PCDH9: variants seen among roughly 807,000 people sequenced by gnomAD.
The protein encoded by PCDH9 is protocadherin-9.
A neutral mutation model predicts 70.6 loss-of-function variants in PCDH9; 24 were observed. The ratio of observed to expected loss-of-function variants is 0.34; its 90% CI spans 0.25 to 0.48. The LOEUF is 0.48. PCDH9 is among the 20% of genes least tolerant of loss of function. The pLI is 0.99. For synonymous variants in PCDH9, 562 were observed against 558.5 expected (o/e 1.01, Z -0.09); for missense variants, 1,281 against 1,503.6 (o/e 0.85, Z 2.45).
intron 2 of PCDH9, among the ~76,000 whole-genome samples, chr13:67,013,581 T>C (rs2084496565): frequency 6.6e-6 from 1 of 151,940 alleles, no homozygotes; most frequent in African/African-American, 2.4e-5. Flanking sequence ...CAATGCTTTA[T>C]TTAAATATAT....
chr13:67,152,320 C>A (rs55916560), intron 2 of PCDH9, among the ~76,000 whole-genome samples: 1 of 152,172 alleles, frequency 6.6e-6, no homozygotes, highest in African/African-American at 2.4e-5. Flanking sequence ...TTCCAGAAAT[C>A]CACTTGTGCC....
At chr13:66,822,435 T>C (rs1194354562) in intron 3 of PCDH9, among the ~76,000 whole-genome samples, 2 of 151,970 alleles carry the variant, frequency 1.3e-5, no homozygotes, top group Admixed American at 1.3e-4. Context: ...GATGTTTCCA[T>C]GATGTAGTGC....
At chr13:66,798,822 T>A (rs2080284460) in intron 3 of PCDH9, among the ~76,000 whole-genome samples, 1 of 152,146 alleles carries the variant, frequency 6.6e-6, no homozygotes. Flanking sequence ...TCCTCGTTTT[T>A]TTTTTCTTTT....
chr13:66,798,116 G>T (rs1566201111), intron 3 of PCDH9, among the ~76,000 whole-genome samples: 2 of 151,920 alleles, frequency 1.3e-5, no homozygotes, highest in Admixed American at 1.3e-4. Flanking sequence ...GTTCAACAAA[G>T]TCAGTCATTT....
At chr13:66,615,406 T>C (rs1485525070) in intron 4 of PCDH9, among the ~76,000 whole-genome samples, 1 of 152,250 alleles carries the variant, frequency 6.6e-6, no homozygotes. Flanking sequence ...CAATCATAAT[T>C]AAAGTTGTTA....
At chr13:66,630,152 A>T (rs1566467966) in intron 4 of PCDH9, among the ~76,000 whole-genome samples, 1 of 152,164 alleles carries the variant, frequency 6.6e-6, no homozygotes, top group East Asian at 1.9e-4. Context: ...AACAAGCAAA[A>T]ATATTTTTTT....
chr13:66,514,970 G>T (rs1242066177), intron 4 of PCDH9, among the ~76,000 whole-genome samples: 1 of 151,950 alleles, frequency 6.6e-6, no homozygotes, highest in Non-Finnish European at 1.5e-5. Flanking sequence ...ATTCTGTTTT[G>T]TAAGTACGGT....
chr13:66,498,365 T>A (rs1411943973), intron 4 of PCDH9, among the ~76,000 whole-genome samples: 2 of 151,954 alleles, frequency 1.3e-5, no homozygotes, highest in East Asian at 3.9e-4. Context: ...GGAGCACTCT[T>A]ACTAATTTTT....
intron 2 of PCDH9, among the ~76,000 whole-genome samples, chr13:67,143,307 T>G (rs888016512): frequency 6.6e-6 from 1 of 152,200 alleles, no homozygotes; most frequent in Non-Finnish European, 1.5e-5. Context: ...TCCTATGAGT[T>G]GGAGGATTTA....
At chr13:66,848,012 T>C (rs1029992329) in intron 3 of PCDH9, among the ~76,000 whole-genome samples, 1 of 152,240 alleles carries the variant, frequency 6.6e-6, no homozygotes, top group Non-Finnish European at 1.5e-5. Context: ...TATGTGTGTT[T>C]ATGTTTTTAG....
intron 4 of PCDH9, among the ~76,000 whole-genome samples, chr13:66,560,502 A>G (rs931925395): frequency 6.6e-6 from 1 of 152,182 alleles, no homozygotes; most frequent in African/African-American, 2.4e-5. Context: ...TGTTTTCTGT[A>G]TCACAACCTC....
At chr13:66,663,998 C>CTA (rs777555473) in intron 3 of PCDH9, among the ~76,000 whole-genome samples, 9 of 152,174 alleles carry the variant, frequency 5.9e-5, no homozygotes, top group Non-Finnish European at 8.8e-5. Flanking sequence ...AAAAAAGGAA[C>CTA]TACAGACTTT....
chr13:66,315,488 T>G (rs981668108), intron 4 of PCDH9, among the ~76,000 whole-genome samples: 1 of 152,192 alleles, frequency 6.6e-6, no homozygotes, highest in African/African-American at 2.4e-5. Flanking sequence ...TCTCTTTTTT[T>G]TTTGTTTTTT....
intron 4 of PCDH9, among the ~76,000 whole-genome samples, chr13:66,628,149 C>T (rs1373545483): frequency 1.3e-5 from 2 of 152,178 alleles, no homozygotes; most frequent in Non-Finnish European, 2.9e-5. Context: ...CAAAACTTGT[C>T]TGTCCATTTG....
At chr13:67,208,554 A>G (rs190056214) in intron 2 of PCDH9, 1 of 152,298 alleles carries the variant, frequency 6.6e-6, no homozygotes, top group Admixed American at 6.5e-5. Context: ...TTAGGAAACA[A>G]TTAGGCTGAT....
intron 4 of PCDH9, among the ~76,000 whole-genome samples, chr13:66,453,023 A>C (rs549232434): frequency 6.6e-6 from 1 of 152,178 alleles, no homozygotes; most frequent in South Asian, 2.1e-4. Context: ...ACCAGCCCTC[A>C]TGTAAGGAAT....
chr13:66,938,128 T>G (rs2082947433), intron 2 of PCDH9, among the ~76,000 whole-genome samples: 1 of 152,168 alleles, frequency 6.6e-6, no homozygotes. Flanking sequence ...TATTTTAGTC[T>G]TTCAAACTAA....
chr13:66,681,088 G>A (rs2078312464), intron 3 of PCDH9, among the ~76,000 whole-genome samples: 2 of 152,102 alleles, frequency 1.3e-5, no homozygotes, highest in South Asian at 4.1e-4. Context: ...TAAGGCAGAA[G>A]TCACACAGAA....
chr13:66,759,579 CT>C (rs1190688010), intron 3 of PCDH9, among the ~76,000 whole-genome samples: 1 of 151,534 alleles, frequency 6.6e-6, no homozygotes, highest in African/African-American at 2.4e-5. Flanking sequence ...TCTCTTGTTT[CT>C]TTCTTCCTCA....
Sources: allele counts gnomAD v4.1 joint callset (sites outside exome capture counted in the v4.1 genomes callset), GRCh38; gene constraint gnomAD v4.1.1; transcripts MANE v1.5; gene names NCBI Gene and HGNC (gene_info 2026-07-23, HGNC 2026-07-21).